Variants in MARCHF8 observed in about 807,000 individuals in gnomAD.
MARCHF8 encodes membrane associated ring-CH-type finger 8.
MARCHF8 carries 40 observed loss-of-function variants against 51.6 expected under a neutral mutation model. The observed-to-expected ratio is 0.77, with a 90% CI of 0.60 to 1.01. MARCHF8 has a LOEUF of 1.01. Among genes scored for constraint, MARCHF8 ranks in the 50% least tolerant of loss-of-function variants. The probability of loss-of-function intolerance (pLI) is 0.00; values close to 1 mark genes in which losing one functional copy is unlikely to be tolerated. For synonymous variants in MARCHF8, 263 were observed against 280.3 expected, an observed-to-expected ratio of 0.94 and a Z score of 0.62; for missense variants, 685 against 708.6, an observed-to-expected ratio of 0.97 and a Z score of 0.38.
At chr10:45,459,372 C>T in intron 6 of MARCHF8, 105 bp from the exon 7 acceptor site, 1 of 1,271,216 alleles carries the variant, frequency 7.9e-7, no homozygotes, top group Non-Finnish European at 1.1e-6. Context: ...CCACTTCTCC[C>T]TTCCCAAACT....
chr10:45,463,340 A>G lies in MARCHF8; in HGVS notation c.899T>C (p.Met300Thr), dbSNP rs1471257824. 6.4e-7 allele frequency: 1 copy of G among 1,550,858 alleles called. No homozygotes were observed. The highest frequency in any genetic ancestry group is 8.7e-7 in the Non-Finnish European group (1 of 1,147,050). The change falls in exon 5 of 8, where the codon ATG becomes ACG. Residue 300 changes from methionine (M) to threonine (T), a missense_variant. By Grantham distance (81) the Met-to-Thr change is moderately conservative. Coordinates refer to ENST00000453424, the MANE Select transcript of MARCHF8 (RefSeq NM_001282866.2). The part of the protein sequence containing the change: ...AKSSSGLAGS[M>T]GFCSDEMGDD... ...TCCCATCTCGTCAGAGCAGAAGCCC[A>G]TACTCCCTGCCAGCCCGCTGGAGGA...
chr10:45,461,474 A>T, intron 5 of MARCHF8, 63 bp from the exon 6 acceptor site: 1 of 1,379,312 alleles, frequency 7.2e-7, no homozygotes, highest in Non-Finnish European at 9.6e-7. Context: ...CTGACACTTC[A>T]GTGGCAGGTT....
rs566631057 is a variant in MARCHF8 at position 45,586,774 on chromosome 10, AT to A, written c.-79+7460del. The stretch of plus-strand genomic sequence containing the variant: ...CTTATTTTGTGAAGTTGCTCCACAA[AT>A]TTTTTTTTTACCGATTTTGCAATTT... On this transcript the variant is annotated intron_variant, in intron 1 of 6. Coordinates refer to the MARCHF8 transcript ENST00000319836. 2.0e-3 allele frequency among the ~76,000 whole-genome samples: 300 copies of A among 150,008 alleles called. 5 individuals carry two copies. Among genetic ancestry groups the A allele is most frequent in the African/African-American group, 6.1e-3 (248 of 40,990 alleles).
At chr10:45,487,417 C>T (rs76112542) in intron 3 of MARCHF8, among the ~76,000 whole-genome samples, 17 of 152,134 alleles carry the variant, frequency 1.1e-4, no homozygotes, top group East Asian at 1.9e-4. Flanking sequence ...TAGGGCAAGG[C>T]GACATACATG....
At chr10:45,468,993 G>A (rs1843066032) in intron 3 of MARCHF8, among the ~76,000 whole-genome samples, 1 of 152,062 alleles carries the variant, frequency 6.6e-6, no homozygotes, top group Admixed American at 6.5e-5. Flanking sequence ...CCTGCGGGAA[G>A]AGGTTTGTAC....
upstream of MARCHF8, among the ~76,000 whole-genome samples, chr10:45,536,880 T>TAAA (rs1554817160): frequency 1.2e-4 from 17 of 145,346 alleles, no homozygotes; most frequent in East Asian, 5.9e-4. Flanking sequence ...ATAATAATAA[T>TAAA]AAAGACAAAT....
At chr10:45,548,472 C>T (rs544577461) in intron 1 of MARCHF8, among the ~76,000 whole-genome samples, 59 of 152,236 alleles carry the variant, frequency 3.9e-4, no homozygotes, top group African/African-American at 1.4e-3. Context: ...GTGCAATTAA[C>T]TGGAAAAAGG....
At chr10:45,584,236 A>G (rs2044593123) in intron 1 of MARCHF8, among the ~76,000 whole-genome samples, 1 of 149,476 alleles carries the variant, frequency 6.7e-6, no homozygotes, top group African/African-American at 2.5e-5. Context: ...GAAAGAATGA[A>G]CAAATTGTGA....
intron 2 of MARCHF8, among the ~76,000 whole-genome samples, chr10:45,521,281 G>A (rs2043701023): frequency 1.3e-5 from 2 of 152,204 alleles, no homozygotes; most frequent in Admixed American, 1.3e-4. Context: ...GGTATACCAT[G>A]ATTTGATTAA....
intron 1 of MARCHF8, among the ~76,000 whole-genome samples, chr10:45,540,932 A>G (rs1214267121): frequency 6.6e-6 from 1 of 152,250 alleles, no homozygotes; most frequent in Non-Finnish European, 1.5e-5. Context: ...GGTGCTGGAG[A>G]GGATGTGGAG....
At chr10:45,499,936 A>C (rs993899015) in intron 2 of MARCHF8, among the ~76,000 whole-genome samples, 1 of 152,192 alleles carries the variant, frequency 6.6e-6, no homozygotes, top group African/African-American at 2.4e-5. Context: ...ATTCCATATA[A>C]ATTACAGGAC....
chr10:45,549,320 G>C lies in MARCHF8; in HGVS notation c.-78-16031C>G, dbSNP rs113719662. Among the ~76,000 whole-genome samples, 4 of 152,294 alleles carry C rather than the reference G, an allele frequency of 2.6e-5. No individual in the cohort carries two copies. The South Asian group carries it at 6.2e-4, about 24-fold the overall frequency. On this transcript the variant is annotated intron_variant, in intron 1 of 6. Coordinates refer to the MARCHF8 transcript ENST00000319836. ...CAAACTACCCAAAACTTTGTTGCTT[G>C]AACAGCCATGATTTCCTATTTCTCA... is the stretch of plus-strand genomic sequence containing the variant.
Position 45,585,839 on chromosome 10 carries a change from G to A in MARCHF8, c.-79+8396C>T, listed in dbSNP as rs1053013864. Among the ~76,000 whole-genome samples, 4 of 152,064 alleles carry A rather than the reference G, an allele frequency of 2.6e-5. No individual in the cohort carries two copies. The South Asian group carries it at 8.3e-4, about 32-fold the overall frequency. The stretch of plus-strand genomic sequence containing the variant: ...TTGGCAAAGATGTGTTCATTGAAAG[G>A]AATAATTCAAATGATATAAAGAGTC... On this transcript the variant is annotated intron_variant, in intron 1 of 6. Coordinates refer to the MARCHF8 transcript ENST00000319836.
intron 6 of MARCHF8, 50 bp downstream of exon 6, chr10:45,461,181 T>TG (rs1459650802): frequency 1.5e-6 from 2 of 1,364,082 alleles, no homozygotes; most frequent in African/African-American, 1.5e-5. Flanking sequence ...ACCAGCTTTC[T>TG]GGGGGTCACT....
At chr10:45,594,052 T>C (rs954617857) in intron 1 of MARCHF8, among the ~76,000 whole-genome samples, 3 of 152,204 alleles carry the variant, frequency 2.0e-5, no homozygotes, top group Non-Finnish European at 4.4e-5. Context: ...AAATAGGTTT[T>C]AAGAAAAAAA....
chr10:45,566,463 A>G (rs368367992), intron 1 of MARCHF8, among the ~76,000 whole-genome samples: 2 of 151,996 alleles, frequency 1.3e-5, no homozygotes, highest in East Asian at 1.9e-4. Context: ...TTTACTCTCT[A>G]CGTCCATGAG....
chr10:45,571,208 T>G (rs1589187440), intron 1 of MARCHF8, among the ~76,000 whole-genome samples: 1 of 152,162 alleles, frequency 6.6e-6, no homozygotes, highest in African/African-American at 2.4e-5. Flanking sequence ...AACTATCATA[T>G]CCCCTGTGAC....
chr10:45,556,984 A>C (rs1195376861), intron 1 of MARCHF8, among the ~76,000 whole-genome samples: 1 of 152,172 alleles, frequency 6.6e-6, no homozygotes, highest in Non-Finnish European at 1.5e-5. Context: ...AAAATTTATC[A>C]AATTAACTAT....
At chr10:45,557,115 T>C (rs2044259885) in intron 1 of MARCHF8, among the ~76,000 whole-genome samples, 1 of 136,080 alleles carries the variant, frequency 7.3e-6, no homozygotes, top group South Asian at 2.4e-4. Flanking sequence ...AGGTGCCTAT[T>C]CTTTTTTTTT....
Sources: gnomAD v4.1 joint callset for allele counts (sites outside exome capture counted in the v4.1 genomes callset) on GRCh38, gnomAD v4.1.1 for gene constraint, MANE v1.5 for transcripts, NCBI Gene and HGNC (gene_info 2026-07-23, HGNC 2026-07-21) for gene names.